The following EPHA5 variants were observed in gnomAD, a reference collection of about 807,000 sequenced individuals.
The protein encoded by EPHA5 is ephrin type-A receptor 5.
In EPHA5, 60 loss-of-function variants were observed where a neutral mutation model predicts 105.0. That is an observed-to-expected ratio of 0.57 (90% CI 0.46 to 0.71). The LOEUF (loss-of-function observed/expected upper bound fraction) is 0.71, where lower values mean the gene tolerates loss of function less well. Ranked by LOEUF, EPHA5 falls within the 30% of genes least tolerant of loss-of-function variation. The pLI is 0.00. For missense variants in EPHA5, 1,218 were observed against 1,274.7 expected, an observed-to-expected ratio of 0.96 and a Z score of 0.68; for synonymous variants, 513 against 449.1, an observed-to-expected ratio of 1.14 and a Z score of -1.80.
At chr4:65,627,071 A>C (rs1439160166) in intron 2 of EPHA5, among the ~76,000 whole-genome samples, 1 of 152,196 alleles carries the variant, frequency 6.6e-6, no homozygotes, top group African/African-American at 2.4e-5. Context: ...AGTTGTTATT[A>C]TTGTGCCTTA....
intron 2 of EPHA5, among the ~76,000 whole-genome samples, chr4:65,603,929 C>T (rs1431053117): frequency 3.4e-4 from 52 of 151,892 alleles, no homozygotes; most frequent in Non-Finnish European, 2.9e-5. Flanking sequence ...ATAAATGGCA[C>T]CAAATATTAT....
At position 65,486,267 on chromosome 4, in the gene EPHA5, C is replaced by A. The variant is rs192640578; in HGVS notation, c.1402+4110G>T. On this transcript the variant is annotated intron_variant, in intron 5 of 16. Transcript: ENST00000613740. ...AGATCATTCATTTCCCCATTTACAC[C>A]CCCCCACCCCCATTTCCCTCTCTAT... Among the ~76,000 whole-genome samples, 8 of 150,660 alleles carry A rather than the reference C, an allele frequency of 5.3e-5. No individual in the cohort carries two copies. The Admixed American group carries it at 5.3e-4, about 10-fold the overall frequency.
intron 6 of EPHA5, 70 bp from the exon 7 acceptor site, chr4:65,414,513 T>A (rs2149021564): frequency 6.6e-7 from 1 of 1,508,240 alleles, no homozygotes. Flanking sequence ...AAATTTAGAA[T>A]CATAGATCAG....
chr4:65,534,923 T>G (rs922572106), intron 3 of EPHA5, among the ~76,000 whole-genome samples: 1 of 152,204 alleles, frequency 6.6e-6, no homozygotes, highest in Non-Finnish European at 1.5e-5. Flanking sequence ...GTAGTTCTGG[T>G]TTATCTTTCA....
intron 3 of EPHA5, among the ~76,000 whole-genome samples, chr4:65,560,569 T>G (rs151317977): frequency 6.6e-6 from 1 of 152,194 alleles, no homozygotes; most frequent in East Asian, 1.9e-4. Context: ...TATATTTCAT[T>G]TGCCCATCCC....
chr4:65,445,800 T>C (rs1175281396), intron 5 of EPHA5, among the ~76,000 whole-genome samples: 3 of 152,180 alleles, frequency 2.0e-5, no homozygotes, highest in Admixed American at 1.3e-4. Context: ...AATCCACATA[T>C]GGATAAAACC....
At chr4:65,337,476 G>A (rs1721293474) in intron 14 of EPHA5, among the ~76,000 whole-genome samples, 1 of 151,874 alleles carries the variant, frequency 6.6e-6, no homozygotes, top group Non-Finnish European at 1.5e-5. Flanking sequence ...TGGAAAGAAA[G>A]CATTCTCCTT....
intron 5 of EPHA5, among the ~76,000 whole-genome samples, chr4:65,469,154 A>G (rs998507963): frequency 6.6e-6 from 1 of 152,156 alleles, no homozygotes; most frequent in Non-Finnish European, 1.5e-5. Flanking sequence ...GTAGAACTTC[A>G]GCTTGAGGTA....
At chr4:65,443,918 T>TGCAC in intron 5 of EPHA5, among the ~76,000 whole-genome samples, 1 of 149,704 alleles carries the variant, frequency 6.7e-6, no homozygotes, top group South Asian at 2.1e-4. Flanking sequence ...TGTGTGTGTG[T>TGCAC]GTGTGTGTGT....
chr4:65,332,639 AT>A (rs1183296029), intron 15 of EPHA5, among the ~76,000 whole-genome samples: 1 of 151,658 alleles, frequency 6.6e-6, no homozygotes, highest in Non-Finnish European at 1.5e-5. Context: ...GGAAGGCTAC[AT>A]ATGTGTAGGG....
intron 14 of EPHA5, among the ~76,000 whole-genome samples, chr4:65,345,652 G>A (rs1722144883): frequency 6.6e-6 from 1 of 152,256 alleles, no homozygotes; most frequent in South Asian, 2.1e-4. Flanking sequence ...GCTTCATCAA[G>A]GGTCTTTGGA....
intron 3 of EPHA5, 25 bp downstream of exon 3, chr4:65,601,616 T>C (rs779040154): frequency 1.2e-6 from 2 of 1,603,166 alleles, no homozygotes; most frequent in East Asian, 4.5e-5. Flanking sequence ...AGACAGCCCC[T>C]GCAGATCTGG....
At chr4:65,353,850 ACTTTT>A (rs960257711) in intron 11 of EPHA5, among the ~76,000 whole-genome samples, 10 of 151,522 alleles carry the variant, frequency 6.6e-5, no homozygotes, top group Admixed American at 5.3e-4. Context: ...GATTAACCCC[ACTTTT>A]CTTTTCATTT....
intron 14 of EPHA5, among the ~76,000 whole-genome samples, chr4:65,340,076 C>T (rs752492242): frequency 1.3e-5 from 2 of 152,102 alleles, no homozygotes; most frequent in African/African-American, 2.4e-5. Context: ...TGTATCGTGA[C>T]ATGGTATAAA....
In EPHA5 at chr4:65,321,972, T is replaced by A. The variant is rs1157581481; in HGVS notation, c.*2142A>T. On this transcript the variant is annotated 3_prime_UTR_variant, in exon 17 of 17. Coordinates refer to ENST00000613740, the MANE Select transcript of EPHA5 (RefSeq NM_001281766.3). ...AATTCAATAAAGTGCCACATAATCA[T>A]CATTTATTTTGTACAAAAGTAATTT... 4.4e-6 allele frequency: 1 copy of A among 225,978 alleles called. No homozygotes were observed. Among genetic ancestry groups the A allele is most frequent in the African/African-American group, 2.2e-5 (1 of 44,930 alleles). 14.0% of individuals were successfully genotyped at this position (225,978 alleles called of 1,614,324 possible).
intron 3 of EPHA5, among the ~76,000 whole-genome samples, chr4:65,514,716 C>A (rs1733935544): frequency 6.6e-6 from 1 of 152,096 alleles, no homozygotes; most frequent in Admixed American, 6.6e-5. Flanking sequence ...TCCCATTTTT[C>A]TCCCTAAAAT....
At chr4:65,361,273 A>C (rs1057066471) in intron 11 of EPHA5, among the ~76,000 whole-genome samples, 11 of 151,702 alleles carry the variant, frequency 7.3e-5, no homozygotes, top group African/African-American at 2.7e-4. Flanking sequence ...TCACATTTGA[A>C]TTAAACCTGA....
At chr4:65,441,680 C>A (rs1485789567) in intron 5 of EPHA5, among the ~76,000 whole-genome samples, 1 of 151,920 alleles carries the variant, frequency 6.6e-6, no homozygotes, top group African/African-American at 2.4e-5. Context: ...CATTTCATTA[C>A]AAAATAACTG....
chr4:65,515,879 A>C (rs1734059753), intron 3 of EPHA5, among the ~76,000 whole-genome samples: 1 of 152,106 alleles, frequency 6.6e-6, no homozygotes, highest in Non-Finnish European at 1.5e-5. Flanking sequence ...TCTGAATAGA[A>C]CAAAAAGGAG....
Sources: gnomAD v4.1 joint callset for allele counts (sites outside exome capture counted in the v4.1 genomes callset) on GRCh38, gnomAD v4.1.1 for gene constraint, MANE v1.5 for transcripts, NCBI Gene and HGNC (gene_info 2026-07-23, HGNC 2026-07-21) for gene names.